EXOC2: variants seen among roughly 807,000 people sequenced by gnomAD.
EXOC2 encodes the protein exocyst complex component 2, also known as SEC5-like 1.
A neutral mutation model predicts 131.8 loss-of-function variants in EXOC2; 70 were observed. The observed-to-expected ratio is 0.53, with a 90% confidence interval of 0.44 to 0.65. The LOEUF (loss-of-function observed/expected upper bound fraction) is 0.65. EXOC2 is among the 30% of genes least tolerant of loss of function. EXOC2 has a pLI of 0.00. For missense variants in EXOC2, 923 were observed against 1,108.6 expected (o/e 0.83, Z 2.38); for synonymous variants, 411 against 398.4 (o/e 1.03, Z -0.38).
chr6:521,284 C>T (rs1425255021), intron 23 of EXOC2, among the ~76,000 whole-genome samples: 4 of 151,004 alleles, frequency 2.6e-5, no homozygotes, highest in South Asian at 2.1e-4. Flanking sequence ...ACCCACCGAG[C>T]GCCGACACTC....
intron 3 of EXOC2, among the ~76,000 whole-genome samples, chr6:630,632 A>G (rs958428522): frequency 6.6e-6 from 1 of 152,234 alleles, no homozygotes; most frequent in Non-Finnish European, 1.5e-5. Flanking sequence ...CTCAAGAAAT[A>G]TCTTTTATTT....
At chr6:690,435 G>T (rs1423180735) in intron 1 of EXOC2, among the ~76,000 whole-genome samples, 1 of 152,190 alleles carries the variant, frequency 6.6e-6, no homozygotes, top group Non-Finnish European at 1.5e-5. Context: ...TCCCGGCCCG[G>T]CGCAGGGGTT....
intron 1 of EXOC2, among the ~76,000 whole-genome samples, chr6:658,683 C>T (rs1316972425): frequency 1.3e-4 from 12 of 92,620 alleles, no homozygotes; most frequent in Admixed American, 5.6e-4. Flanking sequence ...TTTTTTTAGA[C>T]GAAGTCTTGC....
At chr6:591,650 G>A (rs1031175936) in intron 11 of EXOC2, among the ~76,000 whole-genome samples, 1 of 152,082 alleles carries the variant, frequency 6.6e-6, no homozygotes, top group Non-Finnish European at 1.5e-5. Context: ...ACAGCTGGCT[G>A]GTTATCTGTC....
intron 23 of EXOC2, among the ~76,000 whole-genome samples, chr6:502,063 C>A (rs1330315743): frequency 1.3e-5 from 2 of 152,150 alleles, no homozygotes; most frequent in Non-Finnish European, 2.9e-5. Context: ...CTCTGGGCAG[C>A]CCCACCCAGG....
intron 1 of EXOC2, among the ~76,000 whole-genome samples, chr6:641,591 A>C (rs1393447749): frequency 1.3e-5 from 2 of 152,194 alleles, no homozygotes; most frequent in Non-Finnish European, 2.9e-5. Context: ...ATAAAATGGC[A>C]AAACAACAAA....
In EXOC2 at chr6:553,898, G is replaced by C. The variant is rs1300750482; in HGVS notation, c.2077C>G (p.Pro693Ala). ...TTHLSVDVSS[P>A]DLFGSIHEDF... The stretch of plus-strand genomic sequence containing the variant: ...TCATGGATACTTCCAAACAAGTCAG[G>C]GGAAGAAACATCAACAGAGAGACTG... The change falls in exon 21 of 28, where the codon CCT becomes GCT. Residue 693 changes from proline to alanine, a missense_variant. By Grantham distance (27) the Pro-to-Ala change is conservative (BLOSUM62 -1). Transcript: ENST00000230449. 1.2e-6 allele frequency: 2 copies of C among 1,613,772 alleles called. No homozygotes were observed. Among genetic ancestry groups the C allele is most frequent in the Non-Finnish European group, 1.7e-6 (2 of 1,179,896 alleles).
chr6:655,943 T>C (rs1763054317), intron 1 of EXOC2: 1 of 580,368 alleles, frequency 1.7e-6, no homozygotes, highest in Non-Finnish European at 3.0e-6. Context: ...CCCAACTGTT[T>C]TACCAATGCT....
chr6:611,612 C>T (rs1760719931), intron 6 of EXOC2, among the ~76,000 whole-genome samples: 1 of 152,218 alleles, frequency 6.6e-6, no homozygotes, highest in African/African-American at 2.4e-5. Flanking sequence ...GTCAGCCAAG[C>T]ATGAGGACTG....
chr6:493,985 T>A (rs751827694), intron 25 of EXOC2, among the ~76,000 whole-genome samples: 12 of 152,226 alleles, frequency 7.9e-5, no homozygotes, highest in Non-Finnish European at 1.5e-4. Flanking sequence ...CGGATGCCTG[T>A]TAAAATTCTA....
intron 20 of EXOC2, among the ~76,000 whole-genome samples, chr6:554,816 CAT>C (rs1214888829): frequency 2.0e-5 from 3 of 152,278 alleles, no homozygotes; most frequent in Admixed American, 1.3e-4. Flanking sequence ...CAAGAGCTAA[CAT>C]GTGTCCACTG....
chr6:521,297 C>T (rs1299352536), intron 23 of EXOC2, among the ~76,000 whole-genome samples: 14 of 152,082 alleles, frequency 9.2e-5, no homozygotes, highest in Non-Finnish European at 1.6e-4. Context: ...CGACACTCAC[C>T]GTCCACACTC....
intron 22 of EXOC2, among the ~76,000 whole-genome samples, chr6:539,667 G>A (rs1218596168): frequency 6.6e-6 from 1 of 152,132 alleles, no homozygotes; most frequent in Non-Finnish European, 1.5e-5. Flanking sequence ...TCCAATTTGT[G>A]ATTTTAAAAA....
At chr6:607,442 C>T (rs766104648) in intron 7 of EXOC2, among the ~76,000 whole-genome samples, 8 of 152,204 alleles carry the variant, frequency 5.3e-5, no homozygotes, top group Non-Finnish European at 8.8e-5. Flanking sequence ...TAGTTTCGAG[C>T]AACACCTGCC....
At chr6:668,645 C>T (rs1257990796) in intron 1 of EXOC2, among the ~76,000 whole-genome samples, 1 of 152,190 alleles carries the variant, frequency 6.6e-6, no homozygotes, top group Non-Finnish European at 1.5e-5. Context: ...TTATCTCTAC[C>T]ATTCAGCCAG....
At chr6:679,292 A>C (rs1037962430) in intron 1 of EXOC2, 1 of 152,222 alleles carries the variant, frequency 6.6e-6, no homozygotes, top group African/African-American at 2.4e-5. Context: ...TCAAAAAAAA[A>C]TTGAGAAGGT....
intron 10 of EXOC2, 59 bp downstream of exon 10, chr6:597,962 G>T: frequency 8.1e-7 from 1 of 1,241,248 alleles, no homozygotes; most frequent in Non-Finnish European, 1.2e-6. Context: ...AGGGTTACAA[G>T]ATGCATACAG....
intron 25 of EXOC2, among the ~76,000 whole-genome samples, chr6:495,691 G>A (rs563535421): frequency 3.3e-5 from 5 of 152,282 alleles, no homozygotes; most frequent in South Asian, 2.1e-4. Context: ...TCTTGCCGAC[G>A]TCTACTAGAG....
At chr6:518,054 A>G (rs1765255935) in intron 23 of EXOC2, among the ~76,000 whole-genome samples, 1 of 152,232 alleles carries the variant, frequency 6.6e-6, no homozygotes, top group Admixed American at 6.5e-5. Context: ...CCTGATACGA[A>G]CAAACTGTCT....
Sources: gnomAD v4.1 joint callset for allele counts (sites outside exome capture counted in the v4.1 genomes callset) on GRCh38, gnomAD v4.1.1 for gene constraint, MANE v1.5 for transcripts, NCBI Gene and HGNC (gene_info 2026-07-23, HGNC 2026-07-21) for gene names.